The following UGT1A9 variants were observed in gnomAD, a reference collection of about 807,000 sequenced individuals.
UGT1A9 encodes the protein UDP glucuronosyltransferase family 1 member A9, also known as UDP-glucuronosyltransferase 1A9.
In UGT1A9, 35 loss-of-function variants were observed where a neutral mutation model predicts 45.0. The ratio of observed to expected loss-of-function variants is 0.78; its 90% CI spans 0.59 to 1.03. The LOEUF is 1.03. UGT1A9 is among the 50% of genes least tolerant of loss of function. The pLI is 0.00. For missense variants in UGT1A9, 687 were observed against 666.6 expected (o/e 1.03, Z -0.34); for synonymous variants, 278 against 250.6 (o/e 1.11, Z -1.03).
chr2:233,761,996 A>C (rs1212945255), intron 1 of UGT1A9, among the ~76,000 whole-genome samples: 1 of 151,970 alleles, frequency 6.6e-6, no homozygotes, highest in African/African-American at 2.4e-5. Context: ...CCTTATTTCC[A>C]CTATACCTCC....
At chr2:233,694,151 C>G (rs2075202420) in intron 1 of UGT1A9, among the ~76,000 whole-genome samples, 1 of 152,102 alleles carries the variant, frequency 6.6e-6, no homozygotes. Context: ...TAGAAATGTC[C>G]CAGTTCAAAC....
At chr2:233,727,897 G>A (rs1306526178) in intron 1 of UGT1A9, among the ~76,000 whole-genome samples, 1 of 152,194 alleles carries the variant, frequency 6.6e-6, no homozygotes, top group Non-Finnish European at 1.5e-5. Flanking sequence ...GACACGGCCA[G>A]GCAAGAAGAC....
intron 1 of UGT1A9, among the ~76,000 whole-genome samples, chr2:233,678,957 G>C (rs921540326): frequency 6.6e-6 from 1 of 152,194 alleles, no homozygotes; most frequent in African/African-American, 2.4e-5. Flanking sequence ...GAAATGTACT[G>C]TTTGGGGCTT....
chr2:233,682,304 A>G, intron 1 of UGT1A9: 1 of 1,614,070 alleles, frequency 6.2e-7, no homozygotes, highest in South Asian at 1.1e-5. Flanking sequence ...ATTTTTTTCA[A>G]ATTGCAGGAG....
At chr2:233,698,920 C>T (rs566818934) in intron 1 of UGT1A9, among the ~76,000 whole-genome samples, 4 of 152,334 alleles carry the variant, frequency 2.6e-5, no homozygotes, top group African/African-American at 7.2e-5. Flanking sequence ...GGGACGTGGC[C>T]GTCTCAGAGG....
intron 1 of UGT1A9, among the ~76,000 whole-genome samples, chr2:233,748,968 G>A (rs1280348078): frequency 6.6e-6 from 1 of 151,594 alleles, no homozygotes; most frequent in Admixed American, 6.6e-5. Flanking sequence ...TTTCTATAGT[G>A]GGATCTACTT....
In UGT1A9 at chr2:233,690,676, G is replaced by A. The variant is rs2075002634; in HGVS notation, c.855+17887G>A. The A allele has an allele frequency of 4.0e-6, 5 of 1,262,194 alleles. No individual in the cohort carries two copies. The Admixed American group carries it at 1.4e-4, about 34-fold the overall frequency. 78.2% of individuals were successfully genotyped at this position (1,262,194 alleles called of 1,614,324 possible). On this transcript the variant is annotated intron_variant, in intron 1 of 4. Coordinates refer to ENST00000354728, the MANE Select transcript of UGT1A9 (RefSeq NM_021027.3). ...ACAGCACCAACCAGGGCAGGCCTGG[G>A]TCTCCAGCGGAGCTACTCTTTAGGG...
chr2:233,749,047 T>C (rs561305390), intron 1 of UGT1A9, among the ~76,000 whole-genome samples: 1 of 151,806 alleles, frequency 6.6e-6, no homozygotes, highest in Non-Finnish European at 1.5e-5. Flanking sequence ...TGTGGTACTC[T>C]GGGACCTGAA....
intron 1 of UGT1A9, chr2:233,743,937 C>G (rs1692597235): frequency 7.4e-7 from 1 of 1,355,896 alleles, no homozygotes; most frequent in Non-Finnish European, 9.9e-7. Context: ...CAGAACGGCC[C>G]ACCAGGCACT....
rs28898574 is a variant in UGT1A9, at chr2:233,691,266, G to A, written c.855+18477G>A. 127 of 985,476 alleles carry A rather than the reference G, an allele frequency of 1.3e-4. No individual in the cohort carries two copies. The East Asian group carries it at 0.01, about 80-fold the overall frequency. The allele number at this position is 985,476 out of a possible 1,614,324, so 61.0% of individuals were successfully genotyped here. On this transcript the variant is annotated intron_variant, in intron 1 of 4. Transcript: ENST00000354728. ...GATGAACTCAAAGCAAGATGCTGCC[G>A]CCCCCATGACTTTGATCATTGTAAG...
At chr2:233,720,668 A>G (rs1008664012) in intron 1 of UGT1A9, among the ~76,000 whole-genome samples, 1 of 151,708 alleles carries the variant, frequency 6.6e-6, no homozygotes, top group East Asian at 1.9e-4. Context: ...TCACACACCA[A>G]TGAATTTGGT....
At position 233,693,441 on chromosome 2, in the gene UGT1A9, C is replaced by T. The variant is rs370800258; in HGVS notation, c.855+20652C>T. The T allele has an allele frequency of 1.7e-5, 27 of 1,614,026 alleles. No homozygotes were observed. In the African/African-American group the frequency reaches 3.2e-4, roughly 19 times the overall value. On this transcript the variant is annotated intron_variant, in intron 1 of 4. Coordinates refer to ENST00000354728, the MANE Select transcript of UGT1A9 (RefSeq NM_021027.3). ...TTCTTTAAGGAGAGCAAGTTTGATG[C>T]TCTTTTCACAGACCCAGCCTTACCC...
chr2:233,767,582 C>A (rs1315665394), intron 2 of UGT1A9, among the ~76,000 whole-genome samples: 1 of 152,138 alleles, frequency 6.6e-6, no homozygotes, highest in Non-Finnish European at 1.5e-5. Context: ...CAAACTTTCC[C>A]TTAAAGTGCA....
At chr2:233,746,254 A>G (rs184175169) in intron 1 of UGT1A9, among the ~76,000 whole-genome samples, 17 of 151,944 alleles carry the variant, frequency 1.1e-4, no homozygotes, top group Non-Finnish European at 1.5e-4. Context: ...ACAAGGCAGA[A>G]CAGAACAAAA....
Position 233,682,922 on chromosome 2 carries a change from T to C in UGT1A9, c.855+10133T>C, listed in dbSNP as rs2074607007. Reference sequence around the variant, plus strand: ...TTCTTTCTGGTTTAAGGAATTCTTTTGTACCAATTCACTTAATTGTTGGGT... The same window carrying C: ...TTCTTTCTGGTTTAAGGAATTCTTTCGTACCAATTCACTTAATTGTTGGGT... On this transcript the variant is annotated intron_variant, in intron 1 of 4. Transcript: ENST00000354728. 2.0e-6 allele frequency: 3 copies of C among 1,477,034 alleles called. No homozygotes were observed. The African/African-American group carries it at 4.2e-5, about 21-fold the overall frequency. 91.5% of individuals were successfully genotyped at this position (1,477,034 alleles called of 1,614,324 possible).
chr2:233,746,804 G>A (rs960699713), intron 1 of UGT1A9, among the ~76,000 whole-genome samples: 7 of 151,820 alleles, frequency 4.6e-5, no homozygotes, highest in African/African-American at 1.7e-4. Flanking sequence ...GAGCGTGAAT[G>A]TGGATTGCCT....
chr2:233,719,182 C>T, intron 1 of UGT1A9: 1 of 1,614,216 alleles, frequency 6.2e-7, no homozygotes, highest in South Asian at 1.1e-5. Context: ...AACAATGTAT[C>T]TTTGGCCCTT....
chr2:233,768,575 AT>A (rs1699646969), intron 4 of UGT1A9, 136 bp downstream of exon 4: 6 of 1,110,618 alleles, frequency 5.4e-6, no homozygotes, highest in Non-Finnish European at 7.1e-6. Flanking sequence ...CTGGATTTTT[AT>A]TTCTTCTTTT....
chr2:233,700,584 A>G (rs938038590), intron 1 of UGT1A9, among the ~76,000 whole-genome samples: 1 of 152,218 alleles, frequency 6.6e-6, no homozygotes, highest in Non-Finnish European at 1.5e-5. Flanking sequence ...GATGCAATTT[A>G]TTATGATACA....
Sources: allele counts gnomAD v4.1 joint callset (sites outside exome capture counted in the v4.1 genomes callset), GRCh38; gene constraint gnomAD v4.1.1; transcripts MANE v1.5; gene names NCBI Gene and HGNC (gene_info 2026-07-23, HGNC 2026-07-21).